The following MAP7D3 variants were observed in gnomAD, a reference collection of about 807,000 sequenced individuals.
MAP7D3 encodes the protein MAP7 domain-containing protein 3.
In MAP7D3, 45 loss-of-function variants were observed where a neutral mutation model predicts 62.2. The ratio of observed to expected loss-of-function variants is 0.72; its 90% CI spans 0.57 to 0.93. The LOEUF (loss-of-function observed/expected upper bound fraction) is 0.93, where lower values mean the gene tolerates loss of function less well. Among genes scored for constraint, MAP7D3 ranks in the 40% least tolerant of loss-of-function variants. The probability of loss-of-function intolerance (pLI) is 0.00; values close to 1 mark genes in which losing one functional copy is unlikely to be tolerated. For synonymous variants in MAP7D3, 288 were observed against 248.8 expected (o/e 1.16, Z -1.48); for missense variants, 711 against 683.1 (o/e 1.04, Z -0.45).
chrX:136,240,371 TA>T lies in MAP7D3; in HGVS notation c.640+10del. ...TAGAAATTCAGTAGAATACATGAAA[TA>T]ACTACTTACTTTTGGCAACGGAATT... is the stretch of plus-strand genomic sequence containing the variant. On this transcript the variant is annotated intron_variant, in intron 6 of 18. Coordinates refer to ENST00000316077, the MANE Select transcript of MAP7D3 (RefSeq NM_024597.4). 9.2e-7 allele frequency: 1 copy of T among 1,083,236 alleles called. No homozygotes were observed. The highest frequency in any genetic ancestry group is 1.3e-6 in the Non-Finnish European group (1 of 779,197). The allele number at this position is 1,083,236 out of a possible 1,213,427, so 89.3% of individuals were successfully genotyped here.
intron 7 of MAP7D3, among the ~76,000 whole-genome samples, chrX:136,235,157 A>T (rs894768092): frequency 5.3e-5 from 6 of 112,758 alleles, no homozygotes; most frequent in Non-Finnish European, 1.1e-4. Flanking sequence ...ACATGGCAAA[A>T]CAACTTTGAG....
downstream of MAP7D3, chrX:136,213,886 C>G (rs2074045745): frequency 8.9e-6 from 1 of 112,350 alleles, no homozygotes; most frequent in Non-Finnish European, 1.9e-5. Flanking sequence ...GCCTGTAATC[C>G]CAGCACTTTG....
upstream of MAP7D3, among the ~76,000 whole-genome samples, chrX:136,252,386 T>C (rs919546493): frequency 6.2e-4 from 67 of 108,624 alleles, no homozygotes; most frequent in Middle Eastern, 9.6e-3. Context: ...ATATATAATA[T>C]GTAATATGGG....
downstream of MAP7D3, among the ~76,000 whole-genome samples, chrX:136,216,426 A>G (rs2148393314): frequency 9.5e-6 from 1 of 105,808 alleles, no homozygotes; most frequent in Admixed American, 1.0e-4. Flanking sequence ...AAGAAGAAAG[A>G]AGAAAGAAGA....
At chrX:136,246,774 C>A (rs2074453335) in intron 1 of MAP7D3, among the ~76,000 whole-genome samples, 1 of 112,267 alleles carries the variant, frequency 8.9e-6, no homozygotes, top group African/African-American at 3.2e-5. Context: ...ATTTATGGAT[C>A]TGAATTGGGA....
chrX:136,244,243 AC>A (rs2074422453), intron 4 of MAP7D3, among the ~76,000 whole-genome samples: 2 of 111,612 alleles, frequency 1.8e-5, no homozygotes, highest in African/African-American at 3.3e-5. Context: ...AGATGAGGGC[AC>A]GTCAGGGAGG....
At chrX:136,250,934 G>C (rs1482979153) in intron 1 of MAP7D3, among the ~76,000 whole-genome samples, 3 of 111,555 alleles carry the variant, frequency 2.7e-5, no homozygotes, top group Non-Finnish European at 3.8e-5. Context: ...GATGGGGCAC[G>C]GGGCGGTCCG....
At chrX:136,218,984 G>A (rs1448102771) in intron 18 of MAP7D3, among the ~76,000 whole-genome samples, 2 of 110,963 alleles carry the variant, frequency 1.8e-5, no homozygotes, top group South Asian at 3.9e-4. Flanking sequence ...CAAAGTAGCC[G>A]GGATTACAGG....
At chrX:136,251,211 T>G in intron 1 of MAP7D3, 78 bp downstream of exon 1, 1 of 894,820 alleles carries the variant, frequency 1.1e-6, no homozygotes, top group Non-Finnish European at 1.5e-6. Context: ...GCTGCGCCGC[T>G]CCGACGGCCC....
At chrX:136,214,776 G>T (rs2080073878), downstream of MAP7D3, 1 of 112,395 alleles carries the variant, frequency 8.9e-6, no homozygotes, top group Admixed American at 9.4e-5. Context: ...AAAATGCGCT[G>T]ATCTGCAGAA....
chrX:136,228,033 G>C (rs1244416312), intron 11 of MAP7D3, among the ~76,000 whole-genome samples: 1 of 111,797 alleles, frequency 8.9e-6, no homozygotes, highest in South Asian at 3.7e-4. Context: ...CCAGTGGACA[G>C]AGGTTTACAT....
At chrX:136,236,453 A>T (rs2074331415) in intron 6 of MAP7D3, 114 bp from the exon 7 acceptor site, 3 of 343,647 alleles carry the variant, frequency 8.7e-6, no homozygotes, top group Non-Finnish European at 1.5e-5. Flanking sequence ...TATAAGACTT[A>T]ATTTCAAATA....
intron 12 of MAP7D3, 44 bp downstream of exon 12, chrX:136,227,240 A>G: frequency 8.5e-7 from 1 of 1,180,517 alleles, no homozygotes; most frequent in East Asian, 3.0e-5. Flanking sequence ...TCTGAACTTT[A>G]TAATCTGGTT....
intron 4 of MAP7D3, among the ~76,000 whole-genome samples, chrX:136,243,568 C>T (rs748622585): frequency 5.7e-4 from 63 of 110,631 alleles, no homozygotes; most frequent in African/African-American, 1.9e-3. Context: ...CCAGGCGTGG[C>T]GGTAGGCGCC....
At chrX:136,226,244 C>A (rs2074196150) in intron 12 of MAP7D3, among the ~76,000 whole-genome samples, 1 of 111,142 alleles carries the variant, frequency 9.0e-6, no homozygotes, top group Non-Finnish European at 1.9e-5. Flanking sequence ...ACCACAGGGT[C>A]ATTGTTATGA....
At chrX:136,224,051 T>TC (rs2074162610) in intron 14 of MAP7D3, among the ~76,000 whole-genome samples, 2 of 17,550 alleles carry the variant, frequency 1.1e-4, no homozygotes, top group Non-Finnish European at 2.0e-4. Context: ...GACTCTTATC[T>TC]CAAAAAAAAA....
intron 11 of MAP7D3, among the ~76,000 whole-genome samples, chrX:136,227,982 A>C (rs2074218586): frequency 8.9e-6 from 1 of 112,385 alleles, no homozygotes; most frequent in African/African-American, 3.2e-5. Context: ...ATAACACTAA[A>C]TACTTAAAAG....
At chrX:136,235,611 T>C (rs941850021) in intron 7 of MAP7D3, among the ~76,000 whole-genome samples, 10 of 110,673 alleles carry the variant, frequency 9.0e-5, no homozygotes, top group African/African-American at 3.0e-4. Context: ...TAGCCAGGCG[T>C]GGTGGCAGGC....
chrX:136,242,540 T>C (rs1048125849), intron 4 of MAP7D3, among the ~76,000 whole-genome samples: 1 of 110,961 alleles, frequency 9.0e-6, no homozygotes, highest in African/African-American at 3.3e-5. Context: ...CTGTTCTGTC[T>C]GGGACTCTCC....
Sources: gnomAD v4.1 joint callset for allele counts (sites outside exome capture counted in the v4.1 genomes callset) on GRCh38, gnomAD v4.1.1 for gene constraint, MANE v1.5 for transcripts, NCBI Gene and HGNC (gene_info 2026-07-23, HGNC 2026-07-21) for gene names.